SLC45A1: variants seen among roughly 807,000 people sequenced by gnomAD.
SLC45A1 encodes the protein proton-associated sugar transporter A.
In SLC45A1, 28 loss-of-function variants were observed where a neutral mutation model predicts 57.6. The ratio of observed to expected loss-of-function variants is 0.49; its 90% CI spans 0.36 to 0.67. The LOEUF (loss-of-function observed/expected upper bound fraction) is 0.67. Among genes scored for constraint, SLC45A1 ranks in the 30% least tolerant of loss-of-function variants. The pLI is 0.00. For missense variants in SLC45A1, 814 were observed against 1,041.5 expected, an observed-to-expected ratio of 0.78 and a Z score of 3.01; for synonymous variants, 459 against 471.5, an observed-to-expected ratio of 0.97 and a Z score of 0.34.
chr1:8,332,027 C>CG (rs1640426864), intron 5 of SLC45A1, among the ~76,000 whole-genome samples: 1 of 152,190 alleles, frequency 6.6e-6, no homozygotes, highest in Non-Finnish European at 1.5e-5. Flanking sequence ...CTCCTGACCT[C>CG]GTGATCCGCC....
Position 8,330,556 on chromosome 1 carries a change from G to C in SLC45A1, c.1063G>C (p.Asp355His), listed in dbSNP as rs971870519. ...TPKYGSFISRDSSLTGISEFA... is the reference protein window; with the variant it reads ...TPKYGSFISRHSSLTGISEFA... ...CAAGTACGGCAGCTTCATCAGCAGG[G>C]ACAGCTCCCTGACGGGCATCAGCGA... The change falls in exon 5 of 9, where the codon GAC (aspartate) becomes CAC (histidine). Residue 355 changes from aspartate (D) to histidine (H), a missense_variant. Asp to His is a moderately conservative substitution (Grantham distance 81, BLOSUM62 -1). Coordinates refer to ENST00000471889, the MANE Select transcript of SLC45A1 (RefSeq NM_001080397.3). The surrounding 1 kb of genome is among the most constrained non-coding windows in gnomAD (Gnocchi z 8.4). 3.1e-6 allele frequency: 5 copies of C among 1,613,268 alleles called. No individual in the cohort carries two copies. In the African/African-American group the frequency reaches 6.7e-5, roughly 22 times the overall value.
At position 8,330,827 on chromosome 1, in the gene SLC45A1, C is replaced by T. The variant is rs770045434; in HGVS notation, c.1334C>T (p.Pro445Leu). 27 of 1,613,356 alleles carry T rather than the reference C, an allele frequency of 1.7e-5. No individual in the cohort carries two copies. Among genetic ancestry groups the T allele is most frequent in the Non-Finnish European group, 2.1e-5 (25 of 1,180,044 alleles). The change falls in exon 5 of 9, where the codon CCG becomes CTG. Residue 445 changes from proline to leucine, a missense_variant. Physicochemically the swap from Pro to Leu is moderately conservative, Grantham distance 98. Coordinates refer to ENST00000471889, the MANE Select transcript of SLC45A1 (RefSeq NM_001080397.3). This position sits in a 1 kb window ranked among gnomAD's most constrained non-coding sequence, Gnocchi z 8.4. ...GTGGGCTCCTTGGACACCTCTAAGC[C>T]GAGGTCATCAGGGATTCTGAAGAGA... ...LRVGSLDTSKPRSSGILKRPQ... is the reference protein window; with the variant it reads ...LRVGSLDTSKLRSSGILKRPQ...
intron 5 of SLC45A1, among the ~76,000 whole-genome samples, chr1:8,334,305 G>A (rs913965887): frequency 6.6e-6 from 1 of 152,246 alleles, no homozygotes; most frequent in Non-Finnish European, 1.5e-5. Context: ...TGGGGGACGC[G>A]CTCTGCCGAT....
chr1:8,324,985 G>T (rs1284973692), intron 2 of SLC45A1, among the ~76,000 whole-genome samples: 2 of 152,160 alleles, frequency 1.3e-5, no homozygotes, highest in Non-Finnish European at 2.9e-5. Flanking sequence ...CTTGTTGGAG[G>T]GTCCAACTCA....
At chr1:8,333,973 C>T (rs1640512896) in intron 5 of SLC45A1, among the ~76,000 whole-genome samples, 1 of 152,222 alleles carries the variant, frequency 6.6e-6, no homozygotes, top group Non-Finnish European at 1.5e-5. Flanking sequence ...AAAGTCCATC[C>T]TTATCAAGGA....
At position 8,324,546 on chromosome 1, in the gene SLC45A1, G is replaced by C. The variant is rs1215887269; in HGVS notation, c.217G>C (p.Val73Leu). The C allele has an allele frequency of 6.2e-7, 1 of 1,611,822 alleles. No individual in the cohort carries two copies. The highest frequency in any genetic ancestry group is 8.5e-7 in the Non-Finnish European group (1 of 1,179,532). Residue 73 changes from valine to leucine, a missense_variant, in exon 2 of 9, where the codon GTG becomes CTG. Physicochemically the swap from Val to Leu is conservative, Grantham distance 32. Transcript: ENST00000471889. The stretch of plus-strand genomic sequence containing the variant: ...CAACACCCCGTGCCCGCTTGAGCTG[G>C]TGGACTTCGGGGACCTGCACCCCCA... Reference protein sequence around the residue: ...PPNTPCPLELVDFGDLHPQRS... With the variant: ...PPNTPCPLELLDFGDLHPQRS...
Position 8,335,465 on chromosome 1 carries a change from A to G in SLC45A1, c.1472A>G (p.Lys491Arg), listed in dbSNP as rs913494937. ...GCCAATATCCTGCTCAACGGCGTGA[A>G]GTATGAGAGCGAGCTGACGGGCTCC... The part of the protein sequence containing the change: ...QVANILLNGV[K>R]YESELTGSSE... The change falls in exon 6 of 9, where the codon AAG becomes AGG. Residue 491 changes from lysine to arginine, a missense_variant. Transcript: ENST00000471889. This position sits in a 1 kb window ranked among gnomAD's most constrained non-coding sequence, Gnocchi z 4.1. 3.1e-6 allele frequency: 5 copies of G among 1,598,312 alleles called. No homozygotes were observed. The African/African-American group carries it at 5.3e-5, about 17-fold the overall frequency.
Position 8,339,681 on chromosome 1 carries a change from T to C in SLC45A1, c.1963T>C (p.Tyr655His), listed in dbSNP as rs1325969537. The change falls in exon 8 of 9, where the codon TAC becomes CAC. Residue 655 changes from tyrosine to histidine, a missense_variant. Transcript: ENST00000471889. The stretch of plus-strand genomic sequence containing the variant: ...CTTGCCTTACTCGCTGCTCTGCGAT[T>C]ACTATCAGAGTAAGAAGGTAAGTGC... ...CTLPYSLLCDYYQSKKFAGSS... is the reference protein window; with the variant it reads ...CTLPYSLLCDHYQSKKFAGSS... 3 of 1,614,184 alleles carry C rather than the reference T, an allele frequency of 1.9e-6. No homozygotes were observed. The highest frequency in any genetic ancestry group is 3.3e-5 in the Admixed American group (2 of 60,034).
At chr1:8,331,484 T>C (rs959294063) in intron 5 of SLC45A1, among the ~76,000 whole-genome samples, 5 of 152,026 alleles carry the variant, frequency 3.3e-5, no homozygotes, top group African/African-American at 1.2e-4. Flanking sequence ...GTATTTTTTA[T>C]ACAAAAAGTA....
At chr1:8,320,692 TACACACACACACA>T (rs1639982028) in intron 1 of SLC45A1, among the ~76,000 whole-genome samples, 2 of 101,316 alleles carry the variant, frequency 2.0e-5, no homozygotes, top group African/African-American at 6.3e-5. Flanking sequence ...TCTCTCTCTC[TACACACACACACA>T]CACACACACA....
chr1:8,330,220 G>A lies in SLC45A1; in HGVS notation c.727G>A (p.Gly243Ser). 1 of 1,613,558 alleles carries A rather than the reference G, an allele frequency of 6.2e-7. No individual in the cohort carries two copies. The highest frequency in any genetic ancestry group is 8.5e-7 in the Non-Finnish European group (1 of 1,179,704). ...IHALLAGLGG[G>S]FGYVVGGIHW... is the part of the protein sequence containing the mutation. ...GTCTCTTTCCCCAGGTCTCGGAGGA[G>A]GCTTTGGATACGTGGTCGGCGGAAT... The change falls in exon 5 of 9, where the codon GGC becomes AGC. Residue 243 changes from glycine to serine, a missense_variant. Coordinates refer to ENST00000471889, the MANE Select transcript of SLC45A1 (RefSeq NM_001080397.3). This position sits in a 1 kb window ranked among gnomAD's most constrained non-coding sequence, Gnocchi z 8.4.
rs184261489 is a variant in SLC45A1 at position 8,335,826 on chromosome 1, T to C, written c.1597+236T>C. 3.8e-4 allele frequency among the ~76,000 whole-genome samples: 58 copies of C among 152,274 alleles called. No homozygotes were observed. The highest frequency in any genetic ancestry group is 1.3e-3 in the African/African-American group (56 of 41,564). ...CCAGGTGTCACCATTGAGAGCCACATAGCTCACTCTGGGCCCGACACCTGG... is the reference window on the plus strand; with the variant it reads ...CCAGGTGTCACCATTGAGAGCCACACAGCTCACTCTGGGCCCGACACCTGG... On this transcript the variant is annotated intron_variant, in intron 6 of 8. Transcript: ENST00000471889. This position sits in a 1 kb window ranked among gnomAD's most constrained non-coding sequence, Gnocchi z 4.1.
intron 5 of SLC45A1, among the ~76,000 whole-genome samples, chr1:8,334,881 G>A (rs867712437): frequency 1.3e-5 from 2 of 152,120 alleles, no homozygotes; most frequent in South Asian, 2.1e-4. Flanking sequence ...TAAGCCCCTC[G>A]CACCCGTTTC....
intron 1 of SLC45A1, among the ~76,000 whole-genome samples, chr1:8,319,257 G>C (rs1424988063): frequency 6.6e-6 from 1 of 152,246 alleles, no homozygotes; most frequent in African/African-American, 2.4e-5. Context: ...TCTAGTCTGG[G>C]CGATAGAGTG....
chr1:8,330,872 C>A lies in SLC45A1; in HGVS notation c.1379C>A (p.Pro460Gln). 2 of 1,606,996 alleles carry A rather than the reference C, an allele frequency of 1.2e-6. No homozygotes were observed. The highest frequency in any genetic ancestry group is 1.7e-6 in the Non-Finnish European group (2 of 1,175,020). ...AAGAGACCTCAGACCTTGGCCATCC[C>A]GGACGCAGCCGGAGGAGGGGGTCCC... ...ILKRPQTLAI[P>Q]DAAGGGGPET... Residue 460 changes from proline (P) to glutamine (Q), a missense_variant, in exon 5 of 9, where the codon CCG (proline) becomes CAG (glutamine). Pro to Gln is a moderately conservative substitution (Grantham distance 76). Transcript: ENST00000471889. This position sits in a 1 kb window ranked among gnomAD's most constrained non-coding sequence, Gnocchi z 8.4.
chr1:8,322,050 G>C (rs1640031899), intron 1 of SLC45A1, among the ~76,000 whole-genome samples: 2 of 106,774 alleles, frequency 1.9e-5, no homozygotes, highest in Non-Finnish European at 3.9e-5. Context: ...TGGGTGGGTG[G>C]ATGGATGGAT....
chr1:8,337,513 G>T (rs1336781649), intron 6 of SLC45A1, among the ~76,000 whole-genome samples: 1 of 152,164 alleles, frequency 6.6e-6, no homozygotes, highest in Admixed American at 6.5e-5. Context: ...CCACCTCCCG[G>T]GTTCACACCA....
At chr1:8,331,854 G>A (rs1420903034) in intron 5 of SLC45A1, among the ~76,000 whole-genome samples, 3 of 150,356 alleles carry the variant, frequency 2.0e-5, no homozygotes, top group South Asian at 2.1e-4. Context: ...GTGCAGTGGC[G>A]CCATCTTGGC....
chr1:8,344,027 C>G lies in SLC45A1; in HGVS notation c.*14C>G. ...CTGAACGTCTGACATCGCGGAGCCT[C>G]GACTCCGGACACGCGCCTGCACCTG... On this transcript the variant is annotated 3_prime_UTR_variant, in exon 9 of 9. Transcript: ENST00000471889. 6.3e-7 allele frequency: 1 copy of G among 1,596,850 alleles called. No individual in the cohort carries two copies. The highest frequency in any genetic ancestry group is 8.6e-7 in the Non-Finnish European group (1 of 1,169,510).
Sources: allele counts gnomAD v4.1 joint callset (sites outside exome capture counted in the v4.1 genomes callset), GRCh38; gene constraint gnomAD v4.1.1; non-coding constraint Gnocchi (gnomAD v3.1); transcripts MANE v1.5; gene names NCBI Gene and HGNC (gene_info 2026-07-23, HGNC 2026-07-21).